Variants in MYCT1 observed in about 807,000 individuals in gnomAD.
The protein encoded by MYCT1 is MYC target 1, also known as myc target protein 1.
In MYCT1, 12 loss-of-function variants were observed where a neutral mutation model predicts 15.0. The observed-to-expected ratio is 0.80, with a 90% CI of 0.51 to 1.29. The LOEUF (loss-of-function observed/expected upper bound fraction) is 1.29, where lower values mean the gene tolerates loss of function less well. Ranked by LOEUF, MYCT1 falls within the 50% of genes most tolerant of loss-of-function variation. The pLI, the probability that MYCT1 is intolerant of heterozygous loss-of-function variation, is 0.00. For missense variants in MYCT1, 287 were observed against 279.1 expected (o/e 1.03, Z -0.20); for synonymous variants, 104 against 102.7 (o/e 1.01, Z -0.07).
chr6:152,720,904 A>G (rs1457426197), intron 1 of MYCT1, among the ~76,000 whole-genome samples: 1 of 152,190 alleles, frequency 6.6e-6, no homozygotes, highest in African/African-American at 2.4e-5. Context: ...ATATGTATTT[A>G]GTTTACAAGA....
chr6:152,744,438 C>CTG, the MYCT1 span, among the ~76,000 whole-genome samples: 39,999 of 151,948 alleles, frequency 0.26, 7,459 homozygotes, highest in African/African-American at 0.54. Context: ...AGGAAGGACT[C>CTG]AAGGCTCTTT....
At chr6:152,725,488 G>T (rs945963846), downstream of MYCT1, among the ~76,000 whole-genome samples, 19 of 152,248 alleles carry the variant, frequency 1.2e-4, no homozygotes, top group African/African-American at 4.6e-4. Context: ...GTTTTGCCAA[G>T]TTGGCCAGGC....
chr6:152,734,726 A>G, the MYCT1 span, among the ~76,000 whole-genome samples: 2 of 152,066 alleles, frequency 1.3e-5, no homozygotes, highest in African/African-American at 4.8e-5. Context: ...AGGTATTTGC[A>G]TAAGTGGCGT....
chr6:152,744,330 A>G, the MYCT1 span, among the ~76,000 whole-genome samples: 1 of 152,220 alleles, frequency 6.6e-6, no homozygotes, highest in Non-Finnish European at 1.5e-5. Flanking sequence ...ACTCAAATGA[A>G]AAATACCAAA....
the MYCT1 span, among the ~76,000 whole-genome samples, chr6:152,729,832 T>C: frequency 2.8e-4 from 42 of 152,186 alleles, no homozygotes; most frequent in African/African-American, 9.7e-4. Flanking sequence ...ACATTCTAAC[T>C]GGGCAAATGG....
intron 1 of MYCT1, among the ~76,000 whole-genome samples, chr6:152,713,369 G>T (rs1458474043): frequency 6.6e-6 from 1 of 152,040 alleles, no homozygotes; most frequent in Non-Finnish European, 1.5e-5. Flanking sequence ...TGCTAATTAT[G>T]TCTGGATCAT....
At chr6:152,734,295 C>T in the MYCT1 span, among the ~76,000 whole-genome samples, 1 of 152,156 alleles carries the variant, frequency 6.6e-6, no homozygotes, top group Admixed American at 6.5e-5. Context: ...GATTTCAGTC[C>T]TCCAACTCTT....
At chr6:152,743,560 C>T in the MYCT1 span, among the ~76,000 whole-genome samples, 10 of 152,208 alleles carry the variant, frequency 6.6e-5, no homozygotes, top group Non-Finnish European at 1.3e-4. Flanking sequence ...ACACATTGCT[C>T]AACCGTCCCG....
chr6:152,700,453 C>T (rs1021555589), intron 1 of MYCT1, among the ~76,000 whole-genome samples: 6 of 152,042 alleles, frequency 3.9e-5, no homozygotes, highest in Non-Finnish European at 4.4e-5. Flanking sequence ...CTTTAATGAG[C>T]GCTAAATGAT....
At chr6:152,741,187 C>G in the MYCT1 span, among the ~76,000 whole-genome samples, 1 of 152,054 alleles carries the variant, frequency 6.6e-6, no homozygotes, top group Non-Finnish European at 1.5e-5. Context: ...CCCATTCATG[C>G]TAAGAAAAAC....
chr6:152,707,748 A>C (rs73011192), intron 1 of MYCT1, among the ~76,000 whole-genome samples: 1 of 152,180 alleles, frequency 6.6e-6, no homozygotes, highest in Non-Finnish European at 1.5e-5. Context: ...CTTATTGAAG[A>C]GGCAATAATT....
At chr6:152,718,781 G>A (rs1394640133) in intron 1 of MYCT1, among the ~76,000 whole-genome samples, 1 of 151,622 alleles carries the variant, frequency 6.6e-6, no homozygotes, top group East Asian at 1.9e-4. Flanking sequence ...TCTCCTTTCA[G>A]ATTCTGGTTT....
At chr6:152,705,006 C>T (rs9384035) in intron 1 of MYCT1, among the ~76,000 whole-genome samples, 14,940 of 152,118 alleles carry the variant, frequency 0.098, 1,319 homozygotes, top group African/African-American at 0.23. Context: ...TCCCTTTTTC[C>T]CTCACCCCCA....
intron 1 of MYCT1, among the ~76,000 whole-genome samples, chr6:152,704,297 C>T (rs965539812): frequency 3.3e-5 from 5 of 152,126 alleles, no homozygotes; most frequent in Non-Finnish European, 7.4e-5. Context: ...CCACTGTGTC[C>T]AGCCAAGACT....
At chr6:152,745,480 A>G in the MYCT1 span, among the ~76,000 whole-genome samples, 1 of 152,112 alleles carries the variant, frequency 6.6e-6, no homozygotes, top group Non-Finnish European at 1.5e-5. Flanking sequence ...AAAAAAGTTT[A>G]ACTTGATCAT....
intron 1 of MYCT1, among the ~76,000 whole-genome samples, chr6:152,714,325 C>T (rs1362181414): frequency 1.4e-5 from 2 of 141,974 alleles, no homozygotes; most frequent in East Asian, 4.0e-4. Context: ...TTTTTTTGCC[C>T]CTGTTTCATT....
rs1277706959 is a variant in MYCT1, at chr6:152,713,833, G to T, written c.197-7909G>T. On this transcript the variant is annotated intron_variant, in intron 1 of 1. Coordinates refer to ENST00000367245, the MANE Select transcript of MYCT1 (RefSeq NM_025107.3). ...TTTGTTTCTCAAGATCAGAAACAGTGCAGGTTTTCGACTGTAGCTTTACCT... is the reference window on the plus strand; with the variant it reads ...TTTGTTTCTCAAGATCAGAAACAGTTCAGGTTTTCGACTGTAGCTTTACCT... Among the ~76,000 whole-genome samples, 3 of 152,022 alleles carry T rather than the reference G, an allele frequency of 2.0e-5. 1 individual carries two copies. Among genetic ancestry groups the T allele is most frequent in the Admixed American group, 6.6e-5 (1 of 15,238 alleles).
the MYCT1 span, among the ~76,000 whole-genome samples, chr6:152,731,364 G>A: frequency 6.6e-6 from 1 of 152,062 alleles, no homozygotes; most frequent in Non-Finnish European, 1.5e-5. Flanking sequence ...AGCGGTTTTA[G>A]TTTGCATTTC....
At chr6:152,728,447 C>G (rs956649), downstream of MYCT1, among the ~76,000 whole-genome samples, 81,826 of 151,904 alleles carry the variant, frequency 0.54, 24,427 homozygotes, top group Non-Finnish European at 0.66. Flanking sequence ...AGGAGTTAAT[C>G]CTTTTACATA....
Sources: gnomAD v4.1 joint callset for allele counts (sites outside exome capture counted in the v4.1 genomes callset) on GRCh38, gnomAD v4.1.1 for gene constraint, MANE v1.5 for transcripts, NCBI Gene and HGNC (gene_info 2026-07-23, HGNC 2026-07-21) for gene names.